The following SPACA7 variants were observed in gnomAD, a reference collection of about 807,000 sequenced individuals.
The protein encoded by SPACA7 is sperm acrosome associated 7, also known as sperm acrosome-associated protein 7.
A neutral mutation model predicts 26.3 loss-of-function variants in SPACA7; 19 were observed. That is an observed-to-expected ratio of 0.72 (90% CI 0.50 to 1.06). The LOEUF (loss-of-function observed/expected upper bound fraction) is 1.06. Among genes scored for constraint, SPACA7 ranks in the 50% least tolerant of loss-of-function variants. The pLI, the probability that SPACA7 is intolerant of heterozygous loss-of-function variation, is 0.00. For synonymous variants in SPACA7, 84 were observed against 84.5 expected (o/e 0.99, Z 0.04); for missense variants, 211 against 229.9 (o/e 0.92, Z 0.53).
chr13:112,428,610 A>G (rs1374124903), intron 5 of SPACA7, among the ~76,000 whole-genome samples: 3 of 152,056 alleles, frequency 2.0e-5, no homozygotes, highest in Non-Finnish European at 2.9e-5. Flanking sequence ...AAACAAAAAA[A>G]AGAAGTGTGC....
At chr13:112,409,326 C>T (rs545676859) in intron 5 of SPACA7, among the ~76,000 whole-genome samples, 2 of 152,316 alleles carry the variant, frequency 1.3e-5, no homozygotes, top group African/African-American at 4.8e-5. Context: ...AGGTCTAAAA[C>T]ACCAAAAGCA....
chr13:112,386,864 A>T (rs1884560482), intron 1 of SPACA7, among the ~76,000 whole-genome samples: 1 of 152,058 alleles, frequency 6.6e-6, no homozygotes, highest in Non-Finnish European at 1.5e-5. Context: ...ACCAAAGGTA[A>T]CCTCCTAGGT....
chr13:112,393,085 A>G lies in SPACA7; in HGVS notation c.151+8A>G. ...ATATGTCTGAATTATTAGGTAAGGAAGCCCCTCCTATCAACCTCTGGCCTG... is the reference window on the plus strand; with the variant it reads ...ATATGTCTGAATTATTAGGTAAGGAGGCCCCTCCTATCAACCTCTGGCCTG... On this transcript the variant is annotated splice_region_variant and intron_variant, in intron 2 of 6. Coordinates refer to ENST00000283550, the MANE Select transcript of SPACA7 (RefSeq NM_145248.5). 4 of 1,611,808 alleles carry G rather than the reference A, an allele frequency of 2.5e-6. No homozygotes were observed. The highest frequency in any genetic ancestry group is 3.4e-6 in the Non-Finnish European group (4 of 1,178,290).
intron 1 of SPACA7, 30 bp downstream of exon 1, chr13:112,376,509 AAG>A (rs1312805549): frequency 6.2e-7 from 1 of 1,601,410 alleles, no homozygotes; most frequent in Admixed American, 1.7e-5. Context: ...TCTCAGCAGA[AAG>A]AGAACTGAAC....
At chr13:112,404,571 C>T (rs1358854987) in intron 5 of SPACA7, among the ~76,000 whole-genome samples, 3 of 152,176 alleles carry the variant, frequency 2.0e-5, no homozygotes, top group Non-Finnish European at 4.4e-5. Context: ...AGTCCTTTAT[C>T]CATCTTGAGT....
Position 112,401,173 on chromosome 13 carries a change from G to A in SPACA7, c.445+9G>A. ...GAGTGTTTCCAGTAAAGGTAAATGT[G>A]CCCTGCCCACACTGAGAGCTCTGTG... On this transcript the variant is annotated intron_variant, in intron 5 of 6. Coordinates refer to ENST00000283550, the MANE Select transcript of SPACA7 (RefSeq NM_145248.5). The A allele has an allele frequency of 6.2e-7, 1 of 1,607,300 alleles. No individual in the cohort carries two copies. The highest frequency in any genetic ancestry group is 8.5e-7 in the Non-Finnish European group (1 of 1,173,828).
chr13:112,398,173 C>T (rs778275748), intron 3 of SPACA7, 35 bp downstream of exon 3: 7 of 1,477,188 alleles, frequency 4.7e-6, no homozygotes, highest in African/African-American at 1.4e-5. Flanking sequence ...CTTTCTAACC[C>T]TCTAATTGCC....
chr13:112,419,601 T>C (rs952424505), intron 5 of SPACA7, among the ~76,000 whole-genome samples: 2 of 152,174 alleles, frequency 1.3e-5, no homozygotes, highest in African/African-American at 2.4e-5. Context: ...AGAAGAAAGA[T>C]GTTAAACTAC....
At chr13:112,411,498 C>T (rs558501309) in intron 5 of SPACA7, among the ~76,000 whole-genome samples, 51 of 152,220 alleles carry the variant, frequency 3.4e-4, no homozygotes, top group South Asian at 6.2e-4. Context: ...ATATTGTTAA[C>T]TGTAATCACC....
rs558845385 is a variant in SPACA7 at position 112,401,908 on chromosome 13, TC to T, written c.445+746del. Among the ~76,000 whole-genome samples, 32 of 152,346 alleles carry T rather than the reference TC, an allele frequency of 2.1e-4. No individual in the cohort carries two copies. The South Asian group carries it at 6.6e-3, about 32-fold the overall frequency. On this transcript the variant is annotated intron_variant, in intron 5 of 6. Transcript: ENST00000283550. ...CACAAAGTTTTTCTGTATGTGACTG[TC>T]CTGTCTGGGCCATGCAGCACAGTCC...
chr13:112,376,966 C>G lies in SPACA7; in HGVS notation c.94+487C>G, dbSNP rs192335035. 4.6e-5 allele frequency among the ~76,000 whole-genome samples: 7 copies of G among 152,312 alleles called. No individual in the cohort carries two copies. The East Asian group carries it at 7.7e-4, about 17-fold the overall frequency. On this transcript the variant is annotated intron_variant, in intron 1 of 6. Transcript: ENST00000283550. ...TAATTACCAAAAGCCTTTATCTCAG[C>G]TCATACCGTTAAAAAATATTTGTGA...
rs575134249 is a variant in SPACA7 at position 112,387,839 on chromosome 13, T to C, written c.95-5182T>C. 1.3e-4 allele frequency among the ~76,000 whole-genome samples: 20 copies of C among 152,324 alleles called. No homozygotes were observed. The South Asian group carries it at 4.1e-3, about 32-fold the overall frequency. Reference sequence around the variant, plus strand: ...AGGAGAACGGAATTAACATTTTCTATGCCAGCAAAACACACATAAGAAAAC... The same window carrying C: ...AGGAGAACGGAATTAACATTTTCTACGCCAGCAAAACACACATAAGAAAAC... On this transcript the variant is annotated intron_variant, in intron 1 of 6. Transcript: ENST00000283550.
chr13:112,430,031 T>G (rs1399678417), intron 5 of SPACA7, among the ~76,000 whole-genome samples: 1 of 152,206 alleles, frequency 6.6e-6, no homozygotes, highest in East Asian at 1.9e-4. Flanking sequence ...GGAACCCCAC[T>G]TATTTCTGGC....
chr13:112,417,857 A>T (rs1886790765), intron 5 of SPACA7, among the ~76,000 whole-genome samples: 1 of 152,178 alleles, frequency 6.6e-6, no homozygotes, highest in East Asian at 1.9e-4. Flanking sequence ...GCAGGAACAG[A>T]GATTCTTCAC....
chr13:112,412,230 G>A (rs1037898233), intron 5 of SPACA7, among the ~76,000 whole-genome samples: 3 of 152,122 alleles, frequency 2.0e-5, no homozygotes, highest in Admixed American at 6.6e-5. Context: ...TTGGCCACTT[G>A]TATGGCTTCT....
At chr13:112,424,612 G>T (rs777205135) in intron 5 of SPACA7, among the ~76,000 whole-genome samples, 1 of 152,140 alleles carries the variant, frequency 6.6e-6, no homozygotes. Context: ...ATCTTACAAA[G>T]TGCCTCCTCT....
chr13:112,394,097 A>G (rs1367104590), intron 2 of SPACA7, among the ~76,000 whole-genome samples: 1 of 151,968 alleles, frequency 6.6e-6, no homozygotes, highest in Non-Finnish European at 1.5e-5. Context: ...CAGTCTTTCC[A>G]TCACACTGGC....
intron 1 of SPACA7, among the ~76,000 whole-genome samples, chr13:112,384,340 A>G (rs1884394507): frequency 6.6e-6 from 1 of 152,000 alleles, no homozygotes. Flanking sequence ...ATTATTACTG[A>G]TAACATATAC....
intron 5 of SPACA7, among the ~76,000 whole-genome samples, chr13:112,430,339 A>G (rs2139081676): frequency 6.6e-6 from 1 of 152,328 alleles, no homozygotes; most frequent in Non-Finnish European, 1.5e-5. Flanking sequence ...TGCCTGAAGC[A>G]AGCATAGGGC....
Sources: gnomAD v4.1 joint callset for allele counts (sites outside exome capture counted in the v4.1 genomes callset) on GRCh38, gnomAD v4.1.1 for gene constraint, MANE v1.5 for transcripts, NCBI Gene and HGNC (gene_info 2026-07-23, HGNC 2026-07-21) for gene names.